The following PMS2 variants were observed in gnomAD, a reference collection of about 807,000 sequenced individuals.
PMS2 encodes the protein PMS1 homolog 2, mismatch repair system component.
Under a neutral mutation model 90.0 loss-of-function variants are expected in PMS2, and 69 were observed. That is an observed-to-expected ratio of 0.77 (90% CI 0.63 to 0.94). The LOEUF (loss-of-function observed/expected upper bound fraction) is 0.94. PMS2 is among the 40% of genes least tolerant of loss of function. PMS2 has a pLI of 0.00. For synonymous variants in PMS2, 332 were observed against 375.1 expected, an observed-to-expected ratio of 0.89 and a Z score of 1.33; for missense variants, 966 against 1,040.2, an observed-to-expected ratio of 0.93 and a Z score of 0.98.
intron 11 of PMS2, among the ~76,000 whole-genome samples, chr7:5,983,286 T>G (rs1247840626): frequency 3.3e-5 from 5 of 151,350 alleles, no homozygotes; most frequent in African/African-American, 1.2e-4. Context: ...AATTTTTGTA[T>G]TTTTAGTAGA....
rs746592049 is a variant in PMS2 at position 5,997,411 on chromosome 7, T to A, written c.718A>T (p.Ile240Phe). The A allele has an allele frequency of 1.3e-6, 2 of 1,573,456 alleles. No individual in the cohort carries two copies. Among genetic ancestry groups the A allele is most frequent in the Non-Finnish European group, 1.7e-6 (2 of 1,156,596 alleles). ...CTAGGGGGCAGCTGAACAAAAGGAA[T>A]GAGGCTTTGCAACTGAAAAAAAAAA... is the stretch of plus-strand genomic sequence containing the variant. ...VFGQKQLQSL[I>F]PFVQLPPSDS... is the part of the protein sequence containing the mutation. Residue 240 changes from isoleucine (I) to phenylalanine (F), a missense_variant, in exon 7 of 15, where the codon ATT becomes TTT. Physicochemically the swap from Ile to Phe is conservative, Grantham distance 21 (BLOSUM62 0). Around this residue, in one of 2 missense-constraint regions of PMS2, gnomAD observed 871 missense variants for 802.4 expected, o/e 1.09. Transcript: ENST00000265849.
chr7:5,989,460 A>G (rs1271858865), intron 10 of PMS2, among the ~76,000 whole-genome samples: 1 of 151,956 alleles, frequency 6.6e-6, no homozygotes, highest in Non-Finnish European at 1.5e-5. Context: ...CAAGGGAGTT[A>G]AAAATGCAGT....
chr7:6,006,784 T>C (rs1785822401), intron 1 of PMS2, among the ~76,000 whole-genome samples: 1 of 152,188 alleles, frequency 6.6e-6, no homozygotes, highest in African/African-American at 2.4e-5. Context: ...TTGCCTTTGA[T>C]ACCCCACTCC....
chr7:5,983,903 C>T (rs757362441), intron 11 of PMS2, among the ~76,000 whole-genome samples: 1 of 151,434 alleles, frequency 6.6e-6, no homozygotes, highest in African/African-American at 2.4e-5. Flanking sequence ...CCACCTGCCT[C>T]GGCCTCCCAA....
At position 6,009,033 on chromosome 7, in the gene PMS2, G is replaced by C. The variant is rs757845032; in HGVS notation, c.-14C>G. ...AGCTCGCTCCATGGATGCAACACCC[G>C]ATCCGCCTCGGGGACTGGGAAAGTT... On this transcript the variant is annotated 5_prime_UTR_variant, in exon 1 of 15. It adds an upstream start codon to the 5' untranslated region. Transcript: ENST00000265849. 2.9e-5 allele frequency: 47 copies of C among 1,612,404 alleles called. No individual in the cohort carries two copies. Among genetic ancestry groups the C allele is most frequent in the Non-Finnish European group, 4.0e-5 (47 of 1,179,752 alleles).
rs1562673679 is a variant in PMS2, at chr7:5,998,011, TG to T, written c.706-589del. Among the ~76,000 whole-genome samples, 317 of 151,966 alleles carry T rather than the reference TG, an allele frequency of 2.1e-3. 1 individual carries two copies. The highest frequency in any genetic ancestry group is 7.2e-3 in the African/African-American group (298 of 41,432). On this transcript the variant is annotated intron_variant, in intron 6 of 14. Transcript: ENST00000265849. Reference sequence around the variant, plus strand: ...AGAGTGAAAAGACGCAGTATACGAGTGTCTCTGGAAGAATAAAATGAAACAC... The same window carrying T: ...AGAGTGAAAAGACGCAGTATACGAGTTCTCTGGAAGAATAAAATGAAACAC...
chr7:5,978,370 A>C (rs1392372745), intron 13 of PMS2, among the ~76,000 whole-genome samples: 1 of 148,092 alleles, frequency 6.8e-6, no homozygotes, highest in Non-Finnish European at 1.5e-5. Flanking sequence ...TCCCGGGTTC[A>C]AGCGATTCTC....
At position 5,987,086 on chromosome 7, in the gene PMS2, C is replaced by T. The variant is rs757989905; in HGVS notation, c.1679G>A (p.Cys560Tyr). The change falls in exon 11 of 15, where the codon TGT (cysteine) becomes TAT (tyrosine). Residue 560 changes from cysteine (C) to tyrosine (Y), a missense_variant. Physicochemically the swap from Cys to Tyr is radical, Grantham distance 194. Transcript: ENST00000265849. ...DCHSNQEDTGCKFRVLPQPTN... is the reference protein window; with the variant it reads ...DCHSNQEDTGYKFRVLPQPTN... ...TGGCTGAGGCAAAACTCGAAATTTA[C>T]ATCCGGTATCTTCCTGGTTTGAATG... The T allele has an allele frequency of 6.2e-7, 1 of 1,614,174 alleles. No individual in the cohort carries two copies. The highest frequency in any genetic ancestry group is 8.5e-7 in the Non-Finnish European group (1 of 1,180,028).
chr7:5,992,071 A>T lies in PMS2; in HGVS notation c.904-14T>A, dbSNP rs1064795266. On this transcript the variant is annotated splice_polypyrimidine_tract_variant and intron_variant, in intron 8 of 14. Transcript: ENST00000265849. The stretch of plus-strand genomic sequence containing the variant: ...GAGTCTGCAGACCTGCACAAAATAC[A>T]AGGAGTAGAAAAGAATAAATGACAA... The T allele has an allele frequency of 2.2e-6, 3 of 1,385,718 alleles. No individual in the cohort carries two copies. Among genetic ancestry groups the T allele is most frequent in the Non-Finnish European group, 3.1e-6 (3 of 972,030 alleles). The allele number at this position is 1,385,718 out of a possible 1,614,324, so 85.8% of individuals were successfully genotyped here.
Position 5,988,052 on chromosome 7 carries a change from CAAAAAAAAAA to C in PMS2, c.1145-442_1145-433del, listed in dbSNP as rs10543125. On this transcript the variant is annotated intron_variant, in intron 10 of 14. Coordinates refer to ENST00000265849, the MANE Select transcript of PMS2 (RefSeq NM_000535.7). ...TGGGTGACAGAGCAACACTCTGTCTCAAAAAAAAAAAAAAAAAAAAAAAAAACCACAACAC... is the reference window on the plus strand; with the variant it reads ...TGGGTGACAGAGCAACACTCTGTCTCAAAAAAAAAAAAAAAACCACAACAC... 3.6e-4 allele frequency among the ~76,000 whole-genome samples: 15 copies of C among 41,126 alleles called. No homozygotes were observed. In the East Asian group the frequency reaches 0.012, roughly 33 times the overall value. 27.0% of individuals were successfully genotyped at this position (41,126 alleles called of 152,430 possible). A position where few individuals can be genotyped will look rare whatever the true frequency, so the allele number is the denominator to read the frequency against.
intron 12 of PMS2, among the ~76,000 whole-genome samples, chr7:5,982,483 C>A (rs901544288): frequency 6.7e-6 from 1 of 149,744 alleles, no homozygotes; most frequent in Non-Finnish European, 1.5e-5. Context: ...GGATTATAGG[C>A]GTGAGCCACC....
intron 11 of PMS2, among the ~76,000 whole-genome samples, chr7:5,985,218 C>T (rs1314278119): frequency 6.6e-6 from 1 of 151,950 alleles, no homozygotes; most frequent in Admixed American, 6.6e-5. Flanking sequence ...CTGCCTCAGC[C>T]CCCTGAGTAC....
rs1396304282 is a variant in PMS2 at position 5,994,293 on chromosome 7, A to T, written c.903+1241T>A. On this transcript the variant is annotated intron_variant, in intron 8 of 14. Transcript: ENST00000265849. ...CTACTTGGGAGGCTGAGGCAGGAGA[A>T]TCGCTTGAACTCGGGAGGTGGAGGT... Among the ~76,000 whole-genome samples the T allele has an allele frequency of 2.6e-5, 4 of 151,890 alleles. No individual in the cohort carries two copies. In the South Asian group the frequency reaches 8.3e-4, roughly 32 times the overall value.
Position 5,994,326 on chromosome 7 carries a change from A to G in PMS2, c.903+1208T>C, listed in dbSNP as rs568136779. Among the ~76,000 whole-genome samples the G allele has an allele frequency of 1.7e-3, 251 of 151,840 alleles. 1 individual carries two copies. The highest frequency in any genetic ancestry group is 5.8e-3 in the African/African-American group (241 of 41,394). ...AACTCGGGAGGTGGAGGTTGCAGTG[A>G]GCCAAAATCGCACCATTGCACTCCA... On this transcript the variant is annotated intron_variant, in intron 8 of 14. Coordinates refer to ENST00000265849, the MANE Select transcript of PMS2 (RefSeq NM_000535.7).
At chr7:6,003,400 A>C (rs1479738694) in intron 4 of PMS2, 1 of 274,290 alleles carries the variant, frequency 3.6e-6, no homozygotes, top group Admixed American at 4.8e-5. Flanking sequence ...AAAATTGATA[A>C]TGAAAACCAA....
chr7:6,002,518 T>A lies in PMS2; in HGVS notation c.472A>T (p.Ser158Cys), dbSNP rs1554303942. The A allele has an allele frequency of 1.2e-6, 2 of 1,611,820 alleles. No homozygotes were observed. The highest frequency in any genetic ancestry group is 4.5e-5 in the East Asian group (2 of 44,892). ...AGTGTGGAAAATAACTGCTGCACGC[T>A]GACTGTGGTCCCTCTGGGGCGGGGG... Reference protein sequence around the residue: ...PYPRPRGTTVSVQQLFSTLPV... With the variant: ...PYPRPRGTTVCVQQLFSTLPV... The change falls in exon 5 of 15, where the codon AGC becomes TGC. Residue 158 changes from serine to cysteine, a missense_variant. By Grantham distance (112) the Ser-to-Cys change is moderately radical. Around this residue, in one of 2 missense-constraint regions of PMS2, gnomAD observed 871 missense variants for 802.4 expected, o/e 1.09. Coordinates refer to ENST00000265849, the MANE Select transcript of PMS2 (RefSeq NM_000535.7).
rs771348650 is a variant in PMS2, at chr7:6,004,043, T to A, written c.179A>T (p.Asp60Val). The A allele has an allele frequency of 6.3e-7, 1 of 1,585,468 alleles. No individual in the cohort carries two copies. Among genetic ancestry groups the A allele is most frequent in the South Asian group, 1.1e-5 (1 of 90,194 alleles). Residue 60 changes from aspartate to valine, a missense_variant, in exon 3 of 15, where the codon GAC becomes GTC. Asp to Val is a radical substitution (Grantham distance 152). Transcript: ENST00000265849. ...GATNIDLKLK[D>V]YGVDLIEVSD... Reference sequence around the variant, plus strand: ...AACTTCAATAAGATCCACTCCATAGTCCTTAAGCTTTAGATCTAGAAAGTT... The same window carrying A: ...AACTTCAATAAGATCCACTCCATAGACCTTAAGCTTTAGATCTAGAAAGTT...
intron 7 of PMS2, 31 bp from the exon 8 acceptor site, chr7:5,995,664 T>A: frequency 7.0e-7 from 1 of 1,436,168 alleles, no homozygotes; most frequent in Non-Finnish European, 9.8e-7. Context: ...AAGGGCAGGA[T>A]TCCAGAGTGA....
At chr7:5,999,055 C>T (rs2128798303) in intron 6 of PMS2, 53 bp downstream of exon 6, 1 of 1,537,104 alleles carries the variant, frequency 6.5e-7, no homozygotes, top group Non-Finnish European at 9.0e-7. Context: ...CAATGGAAAC[C>T]CGCTATAATC....
Sources: gnomAD v4.1 joint callset for allele counts (sites outside exome capture counted in the v4.1 genomes callset) on GRCh38, gnomAD v4.1.1 for gene constraint, gnomAD v4.1.1 regional missense constraint, MANE v1.5 for transcripts, NCBI Gene and HGNC (gene_info 2026-07-23, HGNC 2026-07-21) for gene names.